Variants in DCLK2 observed in about 807,000 individuals in gnomAD.
DCLK2 encodes the protein doublecortin like kinase 2.
DCLK2 carries 31 observed loss-of-function variants against 78.4 expected under a neutral mutation model. That is an observed-to-expected ratio of 0.40 (90% CI 0.30 to 0.53). The LOEUF (loss-of-function observed/expected upper bound fraction) is 0.53. DCLK2 is among the 20% of genes least tolerant of loss of function. The probability of loss-of-function intolerance (pLI) is 0.61; values close to 1 mark genes in which losing one functional copy is unlikely to be tolerated. For synonymous variants in DCLK2, 407 were observed against 374.9 expected (o/e 1.09, Z -0.99); for missense variants, 872 against 973.7 (o/e 0.90, Z 1.39).
chr4:150,181,351 G>A (rs1021199612), intron 2 of DCLK2, among the ~76,000 whole-genome samples: 1 of 152,076 alleles, frequency 6.6e-6, no homozygotes, highest in Admixed American at 6.5e-5. Context: ...AATTAAGACT[G>A]GGGGTAGGGA....
At chr4:150,137,761 T>C (rs1733801390) in intron 2 of DCLK2, among the ~76,000 whole-genome samples, 1 of 152,196 alleles carries the variant, frequency 6.6e-6, no homozygotes, top group Admixed American at 6.5e-5. Context: ...TTATAACATA[T>C]TCTTCCCCAT....
At chr4:150,138,438 G>A (rs28605560) in intron 2 of DCLK2, among the ~76,000 whole-genome samples, 23,389 of 152,170 alleles carry the variant, frequency 0.15, 2,110 homozygotes, top group Non-Finnish European at 0.21. Flanking sequence ...GTGAAACCCC[G>A]TCTCTACTAT....
chr4:150,107,097 C>T (rs565313505), intron 2 of DCLK2, among the ~76,000 whole-genome samples: 3 of 152,140 alleles, frequency 2.0e-5, no homozygotes, highest in Non-Finnish European at 2.9e-5. Context: ...GGCATGGTGC[C>T]CATCATCCTA....
intron 2 of DCLK2, among the ~76,000 whole-genome samples, chr4:150,116,528 C>T (rs752944572): frequency 1.5e-4 from 23 of 152,154 alleles, no homozygotes; most frequent in Non-Finnish European, 2.6e-4. Flanking sequence ...TGCTGCTGCT[C>T]CTCTAGGTCT....
chr4:150,167,422 C>T (rs754535677), intron 2 of DCLK2, among the ~76,000 whole-genome samples: 6 of 152,202 alleles, frequency 3.9e-5, no homozygotes, highest in African/African-American at 9.7e-5. Flanking sequence ...GATCATACTA[C>T]GGACCTCAAT....
rs1045927329 is a variant in DCLK2 at position 150,129,676 on chromosome 4, C to T, written c.756+26864C>T. ...CGGAGGTTGCAGTGAGCCAAGATTA[C>T]GCCACTGCACTTCAGGCTGGCGACA... On this transcript the variant is annotated intron_variant, in intron 2 of 15. Transcript: ENST00000296550. 1.1e-4 allele frequency among the ~76,000 whole-genome samples: 16 copies of T among 151,712 alleles called. 1 individual carries two copies. Among genetic ancestry groups the T allele is most frequent in the African/African-American group, 2.7e-4 (11 of 41,302 alleles).
chr4:150,255,992 T>C lies in DCLK2; in HGVS notation c.2074-28T>C, dbSNP rs370528965. The C allele has an allele frequency of 1.3e-5, 21 of 1,607,450 alleles. No homozygotes were observed. In the African/African-American group the frequency reaches 1.9e-4, roughly 14 times the overall value. The stretch of plus-strand genomic sequence containing the variant: ...GGGACCCGAGCCTGGGCCCGGGTAA[T>C]GTGTTGTCTCTGCTGTTTCCTCCTC... On this transcript the variant is annotated intron_variant, in intron 15 of 15. Coordinates refer to ENST00000296550, the MANE Select transcript of DCLK2 (RefSeq NM_001040260.4).
intron 4 of DCLK2, among the ~76,000 whole-genome samples, chr4:150,202,090 A>G (rs978324297): frequency 2.6e-5 from 4 of 152,148 alleles, no homozygotes; most frequent in African/African-American, 9.7e-5. Flanking sequence ...ATTGAGGTTC[A>G]TTCTTGGTGT....
intron 2 of DCLK2, among the ~76,000 whole-genome samples, chr4:150,142,180 G>C (rs1158737911): frequency 6.6e-6 from 1 of 152,060 alleles, no homozygotes; most frequent in Non-Finnish European, 1.5e-5. Context: ...ATTCTTTTAT[G>C]AATCTCTCAT....
chr4:150,174,245 G>A (rs1327442747), intron 2 of DCLK2, among the ~76,000 whole-genome samples: 2 of 152,188 alleles, frequency 1.3e-5, no homozygotes, highest in Non-Finnish European at 2.9e-5. Context: ...GAGTAGCCAT[G>A]CGGCATCCTG....
chr4:150,150,486 A>G (rs969394307), intron 2 of DCLK2, among the ~76,000 whole-genome samples: 2 of 152,226 alleles, frequency 1.3e-5, no homozygotes, highest in African/African-American at 2.4e-5. Context: ...CTAAAAAATA[A>G]TTTTTATAAA....
At chr4:150,100,421 C>T (rs1486562072) in intron 1 of DCLK2, among the ~76,000 whole-genome samples, 1 of 152,030 alleles carries the variant, frequency 6.6e-6, no homozygotes, top group Non-Finnish European at 1.5e-5. Context: ...ACAGGTTGAC[C>T]AAGGAAATCT....
At chr4:150,153,527 C>T (rs1238040895) in intron 2 of DCLK2, among the ~76,000 whole-genome samples, 1 of 151,798 alleles carries the variant, frequency 6.6e-6, no homozygotes, top group Admixed American at 6.6e-5. Flanking sequence ...ACTTACCCAC[C>T]GCAGCAGTAG....
At chr4:150,175,147 T>A (rs1223899106) in intron 2 of DCLK2, among the ~76,000 whole-genome samples, 2 of 135,160 alleles carry the variant, frequency 1.5e-5, no homozygotes, top group African/African-American at 5.6e-5. Context: ...TATGTATATT[T>A]TATATATATT....
intron 5 of DCLK2, among the ~76,000 whole-genome samples, chr4:150,208,960 A>G (rs2126476738): frequency 6.6e-6 from 1 of 152,302 alleles, no homozygotes; most frequent in Non-Finnish European, 1.5e-5. Context: ...AGGATGTGGG[A>G]TGATGTTCTG....
rs147544154 is a variant in DCLK2, at chr4:150,105,347, A to G, written c.756+2535A>G. ...AAAGACAAATGCTACAATGAAAAAGATGAATAAAAGTCTAAACAATTTGAA... is the reference window on the plus strand; with the variant it reads ...AAAGACAAATGCTACAATGAAAAAGGTGAATAAAAGTCTAAACAATTTGAA... On this transcript the variant is annotated intron_variant, in intron 2 of 15. Transcript: ENST00000296550. Among the ~76,000 whole-genome samples the G allele has an allele frequency of 2.9e-3, 443 of 152,278 alleles. 3 individuals are homozygous for G. Among genetic ancestry groups the G allele is most frequent in the African/African-American group, 0.011 (437 of 41,578 alleles).
rs911480311 is a variant in DCLK2 at position 150,078,869 on chromosome 4, T to G, written c.-159T>G. On this transcript the variant is annotated 5_prime_UTR_variant, in exon 1 of 16. Transcript: ENST00000296550. ...CTGAGGGCGCGGGCGGGTCGGCTCCTCCGCGGCTCCTCGGCCCCACCTGCG... is the reference window on the plus strand; with the variant it reads ...CTGAGGGCGCGGGCGGGTCGGCTCCGCCGCGGCTCCTCGGCCCCACCTGCG... The G allele has an allele frequency of 1.0e-6, 1 of 968,096 alleles. No homozygotes were observed. The highest frequency in any genetic ancestry group is 3.1e-5 in the East Asian group (1 of 32,050). 60.0% of individuals were successfully genotyped at this position (968,096 alleles called of 1,614,324 possible).
chr4:150,098,489 G>T (rs967104792), intron 1 of DCLK2, among the ~76,000 whole-genome samples: 1 of 152,044 alleles, frequency 6.6e-6, no homozygotes, highest in Non-Finnish European at 1.5e-5. Context: ...ACATATGCGT[G>T]GTCCTAGTTG....
At chr4:150,235,605 C>T (rs1039872248) in intron 10 of DCLK2, among the ~76,000 whole-genome samples, 3 of 152,112 alleles carry the variant, frequency 2.0e-5, no homozygotes, top group Non-Finnish European at 4.4e-5. Flanking sequence ...AAGGCTCTTC[C>T]GAGCCTTCAG....
Sources: allele counts gnomAD v4.1 joint callset (sites outside exome capture counted in the v4.1 genomes callset), GRCh38; gene constraint gnomAD v4.1.1; transcripts MANE v1.5; gene names NCBI Gene and HGNC (gene_info 2026-07-23, HGNC 2026-07-21).